Variants in FOXP1 observed in about 807,000 individuals in gnomAD.
FOXP1 encodes the protein forkhead box protein P1.
A neutral mutation model predicts 98.2 loss-of-function variants in FOXP1; 15 were observed. The ratio of observed to expected loss-of-function variants is 0.15; its 90% CI spans 0.10 to 0.24. The LOEUF (loss-of-function observed/expected upper bound fraction) is 0.24, where lower values mean the gene tolerates loss of function less well. Ranked by LOEUF, FOXP1 falls within the 10% of genes least tolerant of loss-of-function variation. FOXP1 has a pLI of 1.00. For missense variants in FOXP1, 633 were observed against 848.5 expected (o/e 0.75, Z 3.15); for synonymous variants, 371 against 314.5 (o/e 1.18, Z -1.90).
chr3:71,497,084 T>A (rs922685645), intron 2 of FOXP1, among the ~76,000 whole-genome samples: 3 of 151,044 alleles, frequency 2.0e-5, no homozygotes, highest in Admixed American at 2.0e-4. Context: ...CATAAAAAAA[T>A]ACAGCAACTG....
At chr3:71,576,729 A>C (rs1362601868) in intron 2 of FOXP1, among the ~76,000 whole-genome samples, 1 of 152,160 alleles carries the variant, frequency 6.6e-6, no homozygotes, top group African/African-American at 2.4e-5. Context: ...TTACAACTGA[A>C]TTGTAAATTT....
intron 20 of FOXP1, among the ~76,000 whole-genome samples, chr3:70,961,680 T>C (rs2033565305): frequency 4.6e-5 from 7 of 152,110 alleles, no homozygotes; most frequent in Admixed American, 3.9e-4. Flanking sequence ...GAATTAGGAC[T>C]GGCTGCATAA....
chr3:71,429,563 TAGAA>T (rs1342223360), intron 3 of FOXP1, among the ~76,000 whole-genome samples: 2 of 151,224 alleles, frequency 1.3e-5, no homozygotes, highest in Non-Finnish European at 2.9e-5. Context: ...GAAATAGAAA[TAGAA>T]AGTTAGAAAA....
At chr3:71,489,098 C>T (rs1443116873) in intron 3 of FOXP1, among the ~76,000 whole-genome samples, 3 of 152,014 alleles carry the variant, frequency 2.0e-5, no homozygotes, top group Admixed American at 6.6e-5. Context: ...CTGGAAGCTG[C>T]GCCACCACCG....
intron 11 of FOXP1, among the ~76,000 whole-genome samples, chr3:71,025,754 T>C (rs530601516): frequency 7.3e-4 from 111 of 152,338 alleles, no homozygotes; most frequent in African/African-American, 2.5e-3. Context: ...GGTCAGTGAT[T>C]AATGTTTACC....
At chr3:71,113,712 CAAAATAAAATAAA>C (rs1374135912) in intron 6 of FOXP1, among the ~76,000 whole-genome samples, 1 of 102,378 alleles carries the variant, frequency 9.8e-6, no homozygotes, top group African/African-American at 3.8e-5. Flanking sequence ...GCTTCCATCT[CAAAATAAAATAAA>C]ATAAAATAAA....
intron 12 of FOXP1, among the ~76,000 whole-genome samples, chr3:71,005,314 TAAAAAAAA>T (rs60664354): frequency 0.06 from 1,513 of 25,304 alleles, 66 homozygotes; most frequent in African/African-American, 0.16. Flanking sequence ...ATACCTGATT[TAAAAAAAA>T]AAAAAAAAAA....
intron 13 of FOXP1, among the ~76,000 whole-genome samples, chr3:70,991,943 AT>A (rs2040667963): frequency 6.6e-6 from 1 of 152,208 alleles, no homozygotes; most frequent in Non-Finnish European, 1.5e-5. Context: ...CCCTGCTCTC[AT>A]GCTGAACTAC....
At chr3:70,960,153 G>GAT (rs2032982243) in intron 20 of FOXP1, among the ~76,000 whole-genome samples, 1 of 152,082 alleles carries the variant, frequency 6.6e-6, no homozygotes, top group Non-Finnish European at 1.5e-5. Context: ...GAGACACCAT[G>GAT]ATATACATGC....
chr3:71,204,036 T>C (rs1252316050), intron 5 of FOXP1, among the ~76,000 whole-genome samples: 2 of 149,236 alleles, frequency 1.3e-5, no homozygotes, highest in East Asian at 2.0e-4. Context: ...TTTGGAAATA[T>C]TGAACACATG....
At chr3:71,005,085 A>G (rs77970916) in intron 12 of FOXP1, among the ~76,000 whole-genome samples, 1 of 152,008 alleles carries the variant, frequency 6.6e-6, no homozygotes, top group Non-Finnish European at 1.5e-5. Flanking sequence ...TATAAAAACA[A>G]CAGGCTACTA....
chr3:71,421,397 T>A (rs1036273073), intron 3 of FOXP1, among the ~76,000 whole-genome samples: 1 of 152,218 alleles, frequency 6.6e-6, no homozygotes. Context: ...AAGTTGCACA[T>A]GGTTTCAATA....
intron 14 of FOXP1, among the ~76,000 whole-genome samples, chr3:70,979,279 CAAAAAAAAAAAAA>C (rs544916383): frequency 0.027 from 1,127 of 42,388 alleles, 11 homozygotes; most frequent in African/African-American, 0.14. Context: ...GACTCTACCT[CAAAAAAAAAAAAA>C]AAAAAAAAAA....
intron 6 of FOXP1, among the ~76,000 whole-genome samples, chr3:71,195,288 C>A (rs748197830): frequency 7.2e-5 from 11 of 152,236 alleles, no homozygotes; most frequent in Admixed American, 2.0e-4. Flanking sequence ...TTTGTCAGGG[C>A]CCTCCCATTC....
intron 2 of FOXP1, among the ~76,000 whole-genome samples, chr3:71,553,545 G>C (rs1309762219): frequency 4.6e-5 from 7 of 152,108 alleles, no homozygotes; most frequent in African/African-American, 1.7e-4. Flanking sequence ...TTTTTTCAGG[G>C]ATAAAAATGG....
At chr3:71,319,367 G>A (rs1410041979) in intron 4 of FOXP1, among the ~76,000 whole-genome samples, 1 of 152,056 alleles carries the variant, frequency 6.6e-6, no homozygotes, top group East Asian at 1.9e-4. Flanking sequence ...CCTGCTTCTA[G>A]AAACTTCTAT....
chr3:71,254,229 T>C (rs1576609137), intron 5 of FOXP1, among the ~76,000 whole-genome samples: 1 of 152,198 alleles, frequency 6.6e-6, no homozygotes, highest in Non-Finnish European at 1.5e-5. Flanking sequence ...TTCCCCTTGG[T>C]TTCAACCTGC....
At chr3:71,561,511 C>T (rs1023086457) in intron 2 of FOXP1, among the ~76,000 whole-genome samples, 12 of 151,458 alleles carry the variant, frequency 7.9e-5, no homozygotes, top group Non-Finnish European at 1.5e-4. Flanking sequence ...AGGAAAAGAT[C>T]GAACTATGTG....
intron 2 of FOXP1, among the ~76,000 whole-genome samples, chr3:71,550,703 C>T (rs1247805120): frequency 1.3e-5 from 2 of 152,308 alleles, no homozygotes; most frequent in South Asian, 2.1e-4. Flanking sequence ...ATTAATTCAA[C>T]TTGGTTTGTG....
Sources: allele counts gnomAD v4.1 joint callset (sites outside exome capture counted in the v4.1 genomes callset), GRCh38; gene constraint gnomAD v4.1.1; transcripts MANE v1.5; gene names NCBI Gene and HGNC (gene_info 2026-07-23, HGNC 2026-07-21).